NXN: variants seen among roughly 807,000 people sequenced by gnomAD.
NXN encodes the protein nucleoredoxin.
A neutral mutation model predicts 48.6 loss-of-function variants in NXN; 16 were observed. That is an observed-to-expected ratio of 0.33 (90% CI 0.22 to 0.50). The LOEUF (loss-of-function observed/expected upper bound fraction) is 0.50. Ranked by LOEUF, NXN falls within the 20% of genes least tolerant of loss-of-function variation. The probability of loss-of-function intolerance (pLI) is 0.98; values close to 1 mark genes in which losing one functional copy is unlikely to be tolerated. For synonymous variants in NXN, 281 were observed against 269.6 expected (o/e 1.04, Z -0.41); for missense variants, 492 against 605.5 (o/e 0.81, Z 1.97).
intron 1 of NXN, among the ~76,000 whole-genome samples, chr17:840,906 C>A (rs1487537506): frequency 2.6e-5 from 4 of 152,180 alleles, no homozygotes; most frequent in East Asian, 1.9e-4. Flanking sequence ...ACAACCACTG[C>A]CCCCACAAGC....
At chr17:903,473 C>A (rs1046777731) in intron 1 of NXN, among the ~76,000 whole-genome samples, 13 of 152,152 alleles carry the variant, frequency 8.5e-5, no homozygotes, top group African/African-American at 3.1e-4. Context: ...CCTCTGCCTC[C>A]CAGGCTCAAG....
chr17:879,479 G>T (rs1006383229), intron 1 of NXN, among the ~76,000 whole-genome samples: 4 of 151,828 alleles, frequency 2.6e-5, no homozygotes, highest in African/African-American at 4.8e-5. Context: ...TAGAGACGGG[G>T]TCTCACCAAG....
At chr17:912,016 C>A (rs1302071779) in intron 1 of NXN, among the ~76,000 whole-genome samples, 2 of 151,254 alleles carry the variant, frequency 1.3e-5, no homozygotes, top group Non-Finnish European at 2.9e-5. Flanking sequence ...CGGCTCACTG[C>A]AACCTCTGCC....
chr17:892,227 C>A (rs917880623), intron 1 of NXN, among the ~76,000 whole-genome samples: 3 of 151,348 alleles, frequency 2.0e-5, no homozygotes, highest in African/African-American at 7.3e-5. Context: ...CACAGCCCAA[C>A]AGGGAACCTA....
intron 1 of NXN, among the ~76,000 whole-genome samples, chr17:902,104 C>T: frequency 6.6e-6 from 1 of 152,176 alleles, no homozygotes; most frequent in East Asian, 1.9e-4. Flanking sequence ...CCCAAAAATA[C>T]CCTCGGGTGT....
chr17:888,823 T>C (rs1198993554), intron 1 of NXN, among the ~76,000 whole-genome samples: 4 of 151,642 alleles, frequency 2.6e-5, no homozygotes, highest in Non-Finnish European at 5.9e-5. Context: ...GACATGGTGG[T>C]GGGCACCTGT....
Position 825,026 on chromosome 17 carries a change from T to C in NXN, c.478+935A>G, listed in dbSNP as rs997282083. Among the ~76,000 whole-genome samples the C allele has an allele frequency of 3.3e-5, 5 of 152,026 alleles. No homozygotes were observed. Among genetic ancestry groups the C allele is most frequent in the African/African-American group, 4.8e-5 (2 of 41,398 alleles). Reference sequence around the variant, plus strand: ...GGGCGGATTGCTTGAGCTCAAAAGTTTTGAGACCAGCCTGGGCAAGCCTAG... The same window carrying C: ...GGGCGGATTGCTTGAGCTCAAAAGTCTTGAGACCAGCCTGGGCAAGCCTAG... On this transcript the variant is annotated intron_variant, in intron 2 of 7. Transcript: ENST00000336868. The surrounding 1 kb of genome is among the most constrained non-coding windows in gnomAD (Gnocchi z 4.1).
At chr17:821,952 A>C (rs1196260703) in intron 4 of NXN, among the ~76,000 whole-genome samples, 2 of 152,014 alleles carry the variant, frequency 1.3e-5, no homozygotes, top group African/African-American at 4.8e-5. Context: ...TTACAGCAAG[A>C]AGAGGTTTTC....
At chr17:943,553 G>A (rs1401953686) in intron 1 of NXN, among the ~76,000 whole-genome samples, 2 of 152,212 alleles carry the variant, frequency 1.3e-5, no homozygotes, top group African/African-American at 4.8e-5. Flanking sequence ...TGGGCACAGT[G>A]GCTCACGCCT....
intron 1 of NXN, among the ~76,000 whole-genome samples, chr17:833,546 C>T (rs956802137): frequency 1.3e-5 from 2 of 152,162 alleles, no homozygotes; most frequent in African/African-American, 2.4e-5. Flanking sequence ...CCTCTGAAAA[C>T]AGCGGTTTCA....
chr17:923,177 G>A (rs1181231357), intron 1 of NXN, among the ~76,000 whole-genome samples: 3 of 151,946 alleles, frequency 2.0e-5, no homozygotes, highest in African/African-American at 7.2e-5. Flanking sequence ...CTCACACCTG[G>A]AATCCCGACA....
intron 1 of NXN, among the ~76,000 whole-genome samples, chr17:904,544 G>C (rs994721344): frequency 6.6e-6 from 1 of 151,910 alleles, no homozygotes; most frequent in South Asian, 2.1e-4. Flanking sequence ...GTATTTTTTC[G>C]TTTACTTGTT....
chr17:948,743 C>G (rs899221679), intron 1 of NXN, among the ~76,000 whole-genome samples: 2 of 151,852 alleles, frequency 1.3e-5, no homozygotes, highest in African/African-American at 4.8e-5. Context: ...AGGCTGAGAG[C>G]AGCATTCTCA....
intron 1 of NXN, among the ~76,000 whole-genome samples, chr17:835,694 TG>T (rs1913775011): frequency 7.3e-6 from 1 of 137,056 alleles, no homozygotes. Flanking sequence ...GAAACACCGG[TG>T]GGATTCGTCA....
rs974218228 is a variant in NXN at position 931,006 on chromosome 17, T to C, written c.360+48313A>G. 5.3e-5 allele frequency among the ~76,000 whole-genome samples: 8 copies of C among 152,218 alleles called. No homozygotes were observed. The South Asian group carries it at 6.2e-4, about 12-fold the overall frequency. Reference sequence around the variant, plus strand: ...GGCTGGTCTCGAACTCCTGACCTCATGATCCGCCCGACTCAGCCTCCCAAA... The same window carrying C: ...GGCTGGTCTCGAACTCCTGACCTCACGATCCGCCCGACTCAGCCTCCCAAA... On this transcript the variant is annotated intron_variant, in intron 1 of 7. Coordinates refer to ENST00000336868, the MANE Select transcript of NXN (RefSeq NM_022463.5).
rs374186383 is a variant in NXN, at chr17:880,718, G to A, written c.361-54640C>T. Among the ~76,000 whole-genome samples, 8 of 152,252 alleles carry A rather than the reference G, an allele frequency of 5.3e-5. 2 individuals are homozygous for A. Among genetic ancestry groups the A allele is most frequent in the African/African-American group, 1.9e-4 (8 of 41,546 alleles). On this transcript the variant is annotated intron_variant, in intron 1 of 7. Transcript: ENST00000336868. ...CACTCACAGGGGAAGAAGCAGAGGG[G>A]CTGGCCTTCTCCTAAGGGGGCAGGG... is the stretch of plus-strand genomic sequence containing the variant.
intron 1 of NXN, among the ~76,000 whole-genome samples, chr17:974,283 G>A (rs1488473405): frequency 3.3e-5 from 5 of 151,710 alleles, no homozygotes; most frequent in Non-Finnish European, 5.9e-5. Context: ...CCCGGGAGGC[G>A]GAGCTTGCAG....
chr17:895,776 C>G (rs570746146), intron 1 of NXN, among the ~76,000 whole-genome samples: 26 of 14,646 alleles, frequency 1.8e-3, no homozygotes, highest in South Asian at 5.3e-3. Flanking sequence ...CGAGATCGCA[C>G]CACTGCACTC....
chr17:894,994 C>CTT lies in NXN; in HGVS notation c.361-68918_361-68917dup, dbSNP rs778350779. Reference sequence around the variant, plus strand: ...TCTCATCCTTTCCTTTCACCCTTTCCTTTTTTTTTTTTTTTTTTTTTTTTT... The same window carrying CTT: ...TCTCATCCTTTCCTTTCACCCTTTCCTTTTTTTTTTTTTTTTTTTTTTTTTTT... On this transcript the variant is annotated intron_variant, in intron 1 of 7. Coordinates refer to ENST00000336868, the MANE Select transcript of NXN (RefSeq NM_022463.5). 3.9e-4 allele frequency among the ~76,000 whole-genome samples: 24 copies of CTT among 60,820 alleles called. 2 individuals carry two copies. The East Asian group carries it at 8.1e-3, about 20-fold the overall frequency. 39.9% of individuals were successfully genotyped at this position (60,820 alleles called of 152,430 possible). A position where few individuals can be genotyped will look rare whatever the true frequency, so the allele number is the denominator to read the frequency against.
Sources: allele counts gnomAD v4.1 joint callset (sites outside exome capture counted in the v4.1 genomes callset), GRCh38; gene constraint gnomAD v4.1.1; non-coding constraint Gnocchi (gnomAD v3.1); transcripts MANE v1.5; gene names NCBI Gene and HGNC (gene_info 2026-07-23, HGNC 2026-07-21).